The following ADARB2 variants were observed in gnomAD, a reference collection of about 807,000 sequenced individuals.
ADARB2 encodes inactive double-stranded RNA-specific editase B2.
Under a neutral mutation model 62.2 loss-of-function variants are expected in ADARB2, and 25 were observed. The ratio of observed to expected loss-of-function variants is 0.40; its 90% CI spans 0.29 to 0.56. ADARB2 has a LOEUF of 0.56. Ranked by LOEUF, ADARB2 falls within the 20% of genes least tolerant of loss-of-function variation. The pLI, the probability that ADARB2 is intolerant of heterozygous loss-of-function variation, is 0.43. For missense variants in ADARB2, 1,071 were observed against 1,077.4 expected (o/e 0.99, Z 0.08); for synonymous variants, 572 against 500.8 (o/e 1.14, Z -1.90).
intron 1 of ADARB2, chr10:1,526,887 C>A (rs1436317471): frequency 6.0e-6 from 3 of 499,264 alleles, no homozygotes; most frequent in Admixed American, 4.1e-5. Context: ...ATCAGCCTCA[C>A]AGTTCCCCAC....
intron 1 of ADARB2, among the ~76,000 whole-genome samples, chr10:1,496,819 C>T (rs1831698632): frequency 6.6e-6 from 1 of 152,160 alleles, no homozygotes; most frequent in Admixed American, 6.5e-5. Flanking sequence ...TCATCATTAT[C>T]ATTATGTAAC....
At chr10:1,414,085 C>T (rs541074950) in intron 1 of ADARB2, among the ~76,000 whole-genome samples, 59 of 152,306 alleles carry the variant, frequency 3.9e-4, no homozygotes, top group African/African-American at 1.3e-3. Flanking sequence ...CTCACCAGCT[C>T]GGCTCAGGGG....
chr10:1,379,878 G>T (rs1243460232), intron 1 of ADARB2, among the ~76,000 whole-genome samples: 2 of 152,234 alleles, frequency 1.3e-5, no homozygotes, highest in Non-Finnish European at 2.9e-5. Flanking sequence ...CCAACCAGGA[G>T]ATGCCGCTCT....
At chr10:1,624,384 C>G (rs1049528584) in intron 1 of ADARB2, among the ~76,000 whole-genome samples, 1 of 152,222 alleles carries the variant, frequency 6.6e-6, no homozygotes, top group Non-Finnish European at 1.5e-5. Flanking sequence ...CTCCAGCGAG[C>G]ATGCCGTCCT....
chr10:1,625,691 A>C, intron 1 of ADARB2, among the ~76,000 whole-genome samples: 1 of 152,140 alleles, frequency 6.6e-6, no homozygotes, highest in East Asian at 1.9e-4. Flanking sequence ...ATCAGACAGC[A>C]GACATGCCCT....
chr10:1,500,607 G>A (rs941968510), intron 1 of ADARB2, among the ~76,000 whole-genome samples: 5 of 152,134 alleles, frequency 3.3e-5, no homozygotes, highest in African/African-American at 1.2e-4. Context: ...TAATTTTGGG[G>A]TGAATTGTAG....
At chr10:1,697,661 G>C (rs1230243780) in intron 1 of ADARB2, among the ~76,000 whole-genome samples, 1 of 152,172 alleles carries the variant, frequency 6.6e-6, no homozygotes, top group Non-Finnish European at 1.5e-5. Context: ...GGTGGGAAGA[G>C]AAACCCCACA....
At chr10:1,719,624 G>A (rs1222322755) in intron 1 of ADARB2, among the ~76,000 whole-genome samples, 1 of 152,058 alleles carries the variant, frequency 6.6e-6, no homozygotes, top group Admixed American at 6.5e-5. Context: ...CTACGGATTG[G>A]GAGAAAATAT....
chr10:1,602,172 G>T (rs1308584366), intron 1 of ADARB2, among the ~76,000 whole-genome samples: 1 of 152,152 alleles, frequency 6.6e-6, no homozygotes, highest in East Asian at 1.9e-4. Flanking sequence ...TCCACACGGG[G>T]GACTGACTCC....
chr10:1,657,432 T>G (rs1424083920), intron 1 of ADARB2, among the ~76,000 whole-genome samples: 1 of 152,204 alleles, frequency 6.6e-6, no homozygotes, highest in African/African-American at 2.4e-5. Flanking sequence ...GCGGTGAAAA[T>G]GTAACACTTT....
At chr10:1,641,221 A>C (rs979238018) in intron 1 of ADARB2, among the ~76,000 whole-genome samples, 1 of 152,242 alleles carries the variant, frequency 6.6e-6, no homozygotes, top group African/African-American at 2.4e-5. Context: ...TGGGCATTTA[A>C]ATCTGAATCT....
chr10:1,713,673 G>A (rs1428291093), intron 1 of ADARB2, among the ~76,000 whole-genome samples: 4 of 152,290 alleles, frequency 2.6e-5, no homozygotes, highest in Non-Finnish European at 5.9e-5. Context: ...TTAAACAAGC[G>A]CCATGGCCAG....
chr10:1,255,369 T>G lies in ADARB2; in HGVS notation c.1193-13070A>C, dbSNP rs922646165. On this transcript the variant is annotated intron_variant, in intron 4 of 9. Transcript: ENST00000381312. The surrounding 1 kb of genome is among the most constrained non-coding windows in gnomAD (Gnocchi z 4.7). ...CAGTGCAGCTGACGCTCACCAAGCCTTCTGTGCCAGGCACATGTGAGCGCT... is the reference window on the plus strand; with the variant it reads ...CAGTGCAGCTGACGCTCACCAAGCCGTCTGTGCCAGGCACATGTGAGCGCT... Among the ~76,000 whole-genome samples the G allele has an allele frequency of 6.6e-6, 1 of 152,250 alleles. No individual in the cohort carries two copies. Among genetic ancestry groups the G allele is most frequent in the Non-Finnish European group, 1.5e-5 (1 of 68,038 alleles).
chr10:1,524,784 G>A (rs1402486686), intron 1 of ADARB2, among the ~76,000 whole-genome samples: 1 of 152,054 alleles, frequency 6.6e-6, no homozygotes, highest in African/African-American at 2.4e-5. Context: ...TGAGGGTCCA[G>A]GAACTGCTGG....
intron 1 of ADARB2, among the ~76,000 whole-genome samples, chr10:1,468,592 G>T (rs973483565): frequency 6.6e-6 from 1 of 152,212 alleles, no homozygotes; most frequent in Non-Finnish European, 1.5e-5. Flanking sequence ...GCAGGCAGTG[G>T]CTGGTGCTGG....
chr10:1,304,346 C>G (rs1482389484), intron 3 of ADARB2, among the ~76,000 whole-genome samples: 4 of 149,454 alleles, frequency 2.7e-5, no homozygotes, highest in South Asian at 2.1e-4. Flanking sequence ...ATATATGCAC[C>G]CAATACAGGA....
chr10:1,448,202 CAT>C (rs1830994692), intron 1 of ADARB2, among the ~76,000 whole-genome samples: 1 of 152,124 alleles, frequency 6.6e-6, no homozygotes, highest in South Asian at 2.1e-4. Flanking sequence ...TGTTGGAAAA[CAT>C]ATAAGACAGT....
At chr10:1,223,074 T>G (rs974950325) in intron 6 of ADARB2, among the ~76,000 whole-genome samples, 7 of 152,256 alleles carry the variant, frequency 4.6e-5, no homozygotes, top group African/African-American at 1.7e-4. Context: ...GATTTGTTTG[T>G]GTCCTCTTTT....
chr10:1,233,642 A>G lies in ADARB2; in HGVS notation c.1513+52T>C, dbSNP rs117912786. ...GAAAGCCCAGGACAGAGTCCCAGAT[A>G]GAGGGAGCTGGGGGCTGTTGGCCTA... On this transcript the variant is annotated intron_variant, in intron 6 of 9. Transcript: ENST00000381312. The G allele has an allele frequency of 6.5e-4, 1,002 of 1,550,658 alleles. 20 individuals carry two copies. The East Asian group carries it at 0.021, about 33-fold the overall frequency.
Sources: gnomAD v4.1 joint callset for allele counts (sites outside exome capture counted in the v4.1 genomes callset) on GRCh38, gnomAD v4.1.1 for gene constraint, Gnocchi (gnomAD v3.1) non-coding constraint, MANE v1.5 for transcripts, NCBI Gene and HGNC (gene_info 2026-07-23, HGNC 2026-07-21) for gene names.